RBFOX3: variants seen among roughly 807,000 people sequenced by gnomAD.
RBFOX3 encodes the protein RNA binding protein fox-1 homolog 3.
Under a neutral mutation model 48.7 loss-of-function variants are expected in RBFOX3, and 17 were observed. That is an observed-to-expected ratio of 0.35 (90% confidence interval 0.24 to 0.52). The LOEUF (loss-of-function observed/expected upper bound fraction) is 0.52, where lower values mean the gene tolerates loss of function less well. Ranked by LOEUF, RBFOX3 falls within the 20% of genes least tolerant of loss-of-function variation. The pLI is 0.94. For synonymous variants in RBFOX3, 212 were observed against 209.5 expected, an observed-to-expected ratio of 1.01 and a Z score of -0.10; for missense variants, 382 against 497.5, an observed-to-expected ratio of 0.77 and a Z score of 2.21.
In RBFOX3 at chr17:79,535,059, G is replaced by A. The variant is rs2150117566; in HGVS notation, c.-319-52461C>T. The stretch of plus-strand genomic sequence containing the variant: ...AACAGAAACCTGACCCAAACTGGCT[G>A]AAGCCACGAGGAAGCGTGCCAGTCA... On this transcript the variant is annotated intron_variant, in intron 1 of 14. Coordinates refer to ENST00000693108, the MANE Select transcript of RBFOX3 (RefSeq NM_001350451.2). This position sits in a 1 kb window ranked among gnomAD's most constrained non-coding sequence, Gnocchi z 4.5. 6.6e-6 allele frequency among the ~76,000 whole-genome samples: 1 copy of A among 152,358 alleles called. No individual in the cohort carries two copies. The highest frequency in any genetic ancestry group is 1.9e-4 in the East Asian group (1 of 5,174).
chr17:79,439,941 G>A (rs1479140720), intron 2 of RBFOX3, among the ~76,000 whole-genome samples: 1 of 152,214 alleles, frequency 6.6e-6, no homozygotes, highest in African/African-American at 2.4e-5. Context: ...TGTGCAGACG[G>A]GAAAATAGGA....
the RBFOX3 span, among the ~76,000 whole-genome samples, chr17:79,644,988 G>C: frequency 6.6e-6 from 1 of 152,172 alleles, no homozygotes; most frequent in African/African-American, 2.4e-5. Context: ...AACACCTGTA[G>C]TTATCCTCAC....
At chr17:79,335,772 G>A (rs189006464) in intron 2 of RBFOX3, among the ~76,000 whole-genome samples, 18 of 152,162 alleles carry the variant, frequency 1.2e-4, no homozygotes, top group Non-Finnish European at 2.2e-4. Flanking sequence ...CCGTCCTCTC[G>A]TCCTCCACAT....
intron 3 of RBFOX3, among the ~76,000 whole-genome samples, chr17:79,271,168 C>T (rs990028051): frequency 4.0e-5 from 6 of 151,476 alleles, no homozygotes; most frequent in African/African-American, 7.3e-5. Flanking sequence ...CTCTGCCTCC[C>T]GGGTTCAAGC....
At chr17:79,462,164 A>G (rs1211963251) in intron 2 of RBFOX3, among the ~76,000 whole-genome samples, 1 of 152,212 alleles carries the variant, frequency 6.6e-6, no homozygotes, top group Admixed American at 6.5e-5. Flanking sequence ...ATCTCTATCC[A>G]TCAATGAGTA....
chr17:79,620,224 T>G, the RBFOX3 span, among the ~76,000 whole-genome samples: 1 of 119,810 alleles, frequency 8.3e-6, no homozygotes, highest in Non-Finnish European at 1.7e-5. Context: ...CACAGGGACA[T>G]GCACACACGC....
chr17:79,643,186 G>A, the RBFOX3 span, among the ~76,000 whole-genome samples: 1 of 152,284 alleles, frequency 6.6e-6, no homozygotes, highest in African/African-American at 2.4e-5. Context: ...AAATAAATTA[G>A]ACTTGAAGAC....
At chr17:79,529,335 G>A (rs1311373434) in intron 1 of RBFOX3, among the ~76,000 whole-genome samples, 1 of 152,198 alleles carries the variant, frequency 6.6e-6, no homozygotes, top group Non-Finnish European at 1.5e-5. Context: ...GATCCTGAAA[G>A]TCCAGAAGAC....
intron 2 of RBFOX3, among the ~76,000 whole-genome samples, chr17:79,478,797 C>T (rs913711771): frequency 1.8e-4 from 27 of 152,328 alleles, no homozygotes; most frequent in African/African-American, 5.5e-4. Context: ...AGACAAATCT[C>T]GTTTTGCAGC....
chr17:79,554,201 C>T (rs2091408960), intron 1 of RBFOX3, among the ~76,000 whole-genome samples: 1 of 152,094 alleles, frequency 6.6e-6, no homozygotes, highest in African/African-American at 2.4e-5. Flanking sequence ...ATTTTTTGTC[C>T]TTTTTCTAAC....
At chr17:79,415,662 A>T (rs2065229034) in intron 2 of RBFOX3, among the ~76,000 whole-genome samples, 1 of 152,192 alleles carries the variant, frequency 6.6e-6, no homozygotes, top group Admixed American at 6.5e-5. Flanking sequence ...CATGCGGCTC[A>T]GTTACGATGG....
intron 2 of RBFOX3, among the ~76,000 whole-genome samples, chr17:79,413,622 G>A (rs547247436): frequency 1.3e-5 from 2 of 152,330 alleles, no homozygotes; most frequent in South Asian, 2.1e-4. Context: ...GAGGCTCTGG[G>A]CACAGGCAGC....
rs778125067 is a variant in RBFOX3, at chr17:79,260,985, TTCCC to T, written c.-73-25184_-73-25181del. ...AGCCTCTCCCCTACCATCCATGTGT[TTCCC>T]TCCCTCCCTCCCGTCCTGGGGCCGG... On this transcript the variant is annotated intron_variant, in intron 3 of 14. Transcript: ENST00000693108. Among the ~76,000 whole-genome samples the T allele has an allele frequency of 3.3e-5, 5 of 152,166 alleles. No homozygotes were observed. In the South Asian group the frequency reaches 1.0e-3, roughly 32 times the overall value.
chr17:79,100,911 C>T (rs899397680), intron 9 of RBFOX3, among the ~76,000 whole-genome samples: 11 of 152,224 alleles, frequency 7.2e-5, no homozygotes, highest in Non-Finnish European at 1.5e-5. Context: ...ATTCCTCAGT[C>T]TCCCCTTGCT....
At chr17:79,459,352 G>A (rs782463227) in intron 2 of RBFOX3, among the ~76,000 whole-genome samples, 58 of 152,318 alleles carry the variant, frequency 3.8e-4, no homozygotes, top group South Asian at 6.2e-4. Flanking sequence ...TGTGCAGAGC[G>A]TTCAGGACTC....
At chr17:79,118,561 G>A (rs2034756186) in intron 4 of RBFOX3, among the ~76,000 whole-genome samples, 1 of 152,142 alleles carries the variant, frequency 6.6e-6, no homozygotes, top group South Asian at 2.1e-4. Context: ...GGCACAGCGT[G>A]AGGGCCCTGC....
chr17:79,385,865 C>A (rs1407033722), intron 2 of RBFOX3, among the ~76,000 whole-genome samples: 1 of 150,556 alleles, frequency 6.6e-6, no homozygotes, highest in Non-Finnish European at 1.5e-5. Flanking sequence ...CAGACAGGAG[C>A]TCCATCACCT....
At chr17:79,656,820 AG>A in the RBFOX3 span, among the ~76,000 whole-genome samples, 1 of 131,366 alleles carries the variant, frequency 7.6e-6, no homozygotes, top group South Asian at 2.4e-4. Flanking sequence ...AGAAAGAGAA[AG>A]AAAGAAAGAA....
At chr17:79,100,095 T>C (rs7212486) in intron 9 of RBFOX3, 69,467 of 152,072 alleles carry the variant, frequency 0.46, 17,733 homozygotes, top group African/African-American at 0.7. Context: ...GTTTCACTGG[T>C]GTAGGTTCCG....
Sources: allele counts gnomAD v4.1 joint callset (sites outside exome capture counted in the v4.1 genomes callset), GRCh38; gene constraint gnomAD v4.1.1; non-coding constraint Gnocchi (gnomAD v3.1); transcripts MANE v1.5; gene names NCBI Gene and HGNC (gene_info 2026-07-23, HGNC 2026-07-21).